Variants in NFIB observed in about 807,000 individuals in gnomAD.
The protein encoded by NFIB is nuclear factor 1 B-type.
A neutral mutation model predicts 61.5 loss-of-function variants in NFIB; 11 were observed. The ratio of observed to expected loss-of-function variants is 0.18; its 90% CI spans 0.11 to 0.30. The LOEUF (loss-of-function observed/expected upper bound fraction) is 0.30, where lower values mean the gene tolerates loss of function less well. NFIB is among the 10% of genes least tolerant of loss of function. The probability of loss-of-function intolerance (pLI) is 1.00; values close to 1 mark genes in which losing one functional copy is unlikely to be tolerated. For missense variants in NFIB, 471 were observed against 608.9 expected (o/e 0.77, Z 2.38); for synonymous variants, 260 against 216.5 (o/e 1.20, Z -1.76).
At chr9:14,455,028 A>T in the NFIB span, among the ~76,000 whole-genome samples, 1 of 152,202 alleles carries the variant, frequency 6.6e-6, no homozygotes, top group Non-Finnish European at 1.5e-5. Flanking sequence ...TTATGGTTGT[A>T]AGCCCCCATG....
chr9:14,086,786 T>TG lies in NFIB; in HGVS notation c.*1522_*1523insC, dbSNP rs1383581893. The TG allele has an allele frequency of 4.8e-6, 1 of 207,460 alleles. No homozygotes were observed. Among genetic ancestry groups the TG allele is most frequent in the African/African-American group, 2.3e-5 (1 of 43,862 alleles). The allele number at this position is 207,460 out of a possible 1,614,324, so 12.9% of individuals were successfully genotyped here. Reference sequence around the variant, plus strand: ...CACTTTGTTGTATTTTTTTGTTTTTTTTTTTTTGTTTTTTGTTTTTTAGAT... The same window carrying TG: ...CACTTTGTTGTATTTTTTTGTTTTTTGTTTTTTTGTTTTTTGTTTTTTAGAT... On this transcript the variant is annotated 3_prime_UTR_variant, in exon 11 of 11. Transcript: ENST00000380953.
intron 7 of NFIB, among the ~76,000 whole-genome samples, chr9:14,124,396 T>C (rs981195528): frequency 1.1e-4 from 17 of 152,318 alleles, no homozygotes; most frequent in Middle Eastern, 3.4e-3. Context: ...AGTTGTATAG[T>C]CCTCTCTCAA....
chr9:14,500,274 C>G, the NFIB span, among the ~76,000 whole-genome samples: 1 of 152,140 alleles, frequency 6.6e-6, no homozygotes, highest in African/African-American at 2.4e-5. Context: ...CATTCCAGAC[C>G]ACTGCCTTTC....
the NFIB span, among the ~76,000 whole-genome samples, chr9:14,511,749 G>C: frequency 6.6e-6 from 1 of 152,108 alleles, no homozygotes; most frequent in Non-Finnish European, 1.5e-5. Context: ...TCCACTACTT[G>C]ATCTGTCTGA....
chr9:14,151,494 C>A (rs2042870919), intron 4 of NFIB, among the ~76,000 whole-genome samples: 2 of 151,906 alleles, frequency 1.3e-5, no homozygotes, highest in Admixed American at 6.6e-5. Context: ...ACATAAATAC[C>A]AAAATAGATG....
chr9:14,398,651 C>A, exon 1 of NFIB: 3 of 1,498,264 alleles, frequency 2.0e-6, no homozygotes, highest in Non-Finnish European at 2.7e-6. Flanking sequence ...GGATTCCCGA[C>A]AAGAAGCCTG....
chr9:14,128,179 G>A (rs1006575525), intron 6 of NFIB, among the ~76,000 whole-genome samples: 4 of 151,988 alleles, frequency 2.6e-5, no homozygotes, highest in African/African-American at 9.7e-5. Context: ...ATTAAGAGGT[G>A]GAAAGAACCT....
intron 2 of NFIB, among the ~76,000 whole-genome samples, chr9:14,277,344 G>GACAC (rs33999296): frequency 0.078 from 11,690 of 149,252 alleles, 527 homozygotes; most frequent in East Asian, 0.24. Context: ...CGCACACACA[G>GACAC]ACACACACAC....
the NFIB span, among the ~76,000 whole-genome samples, chr9:14,439,629 A>G: frequency 1.3e-5 from 2 of 152,082 alleles, no homozygotes; most frequent in African/African-American, 4.8e-5. Flanking sequence ...GAGAGCTGGC[A>G]CATGCTGAGC....
chr9:14,187,274 G>A (rs926685324), intron 2 of NFIB, among the ~76,000 whole-genome samples: 10 of 151,946 alleles, frequency 6.6e-5, no homozygotes, highest in South Asian at 4.1e-4. Flanking sequence ...TAGTGAATCC[G>A]TACTCCTCCT....
At chr9:14,427,572 T>G in the NFIB span, among the ~76,000 whole-genome samples, 3 of 152,310 alleles carry the variant, frequency 2.0e-5, no homozygotes, top group South Asian at 6.2e-4. Context: ...CACAACTTGA[T>G]ACATTGTTAC....
intron 3 of NFIB, among the ~76,000 whole-genome samples, chr9:14,166,810 G>A (rs1212647508): frequency 1.3e-5 from 2 of 152,128 alleles, no homozygotes; most frequent in Non-Finnish European, 2.9e-5. Flanking sequence ...CACAGTATCA[G>A]TGCTGTTTCT....
At position 14,171,455 on chromosome 9, in the gene NFIB, C is replaced by G. The variant is rs2045557333; in HGVS notation, c.616+8272G>C. On this transcript the variant is annotated intron_variant, in intron 3 of 10. Transcript: ENST00000380953. ...ACACATCTCTTGCCCAGTAGGCAGT[C>G]ACATTTTTTAAAGGTTTTTCCTCAA... Among the ~76,000 whole-genome samples, 8 of 152,154 alleles carry G rather than the reference C, an allele frequency of 5.3e-5. No individual in the cohort carries two copies. In the South Asian group the frequency reaches 1.7e-3, roughly 32 times the overall value.
At chr9:14,214,868 A>G (rs2050686340) in intron 2 of NFIB, among the ~76,000 whole-genome samples, 1 of 152,228 alleles carries the variant, frequency 6.6e-6, no homozygotes, top group Non-Finnish European at 1.5e-5. Flanking sequence ...GCAGAGAGCC[A>G]TCCTATACAA....
At chr9:14,218,199 T>C (rs2051179789) in intron 2 of NFIB, among the ~76,000 whole-genome samples, 1 of 152,252 alleles carries the variant, frequency 6.6e-6, no homozygotes, top group Admixed American at 6.5e-5. Context: ...AAAAGGCCAG[T>C]TGTACAGGAA....
chr9:14,520,005 A>T, the NFIB span, among the ~76,000 whole-genome samples: 1 of 152,184 alleles, frequency 6.6e-6, no homozygotes, highest in Non-Finnish European at 1.5e-5. Flanking sequence ...AAACATGATA[A>T]AATTCAGATT....
At chr9:14,208,920 C>G (rs1160358212) in intron 2 of NFIB, among the ~76,000 whole-genome samples, 2 of 152,076 alleles carry the variant, frequency 1.3e-5, no homozygotes, top group East Asian at 3.9e-4. Context: ...TTCCTTGCAA[C>G]ACCCCACCCA....
chr9:14,213,269 T>C (rs1040101006), intron 2 of NFIB, among the ~76,000 whole-genome samples: 1 of 152,184 alleles, frequency 6.6e-6, no homozygotes, highest in African/African-American at 2.4e-5. Flanking sequence ...AAGTTACTTA[T>C]CTTTGGAAAG....
chr9:14,302,936 C>A (rs1487346097), intron 2 of NFIB, among the ~76,000 whole-genome samples: 1 of 152,256 alleles, frequency 6.6e-6, no homozygotes, highest in South Asian at 2.1e-4. Context: ...ATCTAGGAAA[C>A]TTTAACCAAA....
Sources: gnomAD v4.1 joint callset for allele counts (sites outside exome capture counted in the v4.1 genomes callset) on GRCh38, gnomAD v4.1.1 for gene constraint, MANE v1.5 for transcripts, NCBI Gene and HGNC (gene_info 2026-07-23, HGNC 2026-07-21) for gene names.